The following VPS18 variants were observed in gnomAD, a reference collection of about 807,000 sequenced individuals.
VPS18 encodes the protein vacuolar protein sorting-associated protein 18 homolog.
VPS18 carries 25 observed loss-of-function variants against 82.0 expected under a neutral mutation model. That is an observed-to-expected ratio of 0.30 (90% confidence interval 0.22 to 0.43). The LOEUF (loss-of-function observed/expected upper bound fraction) is 0.43, where lower values mean the gene tolerates loss of function less well. Ranked by LOEUF, VPS18 falls within the 20% of genes least tolerant of loss-of-function variation. The pLI is 1.00. For synonymous variants in VPS18, 523 were observed against 543.0 expected (o/e 0.96, Z 0.51); for missense variants, 1,168 against 1,311.1 (o/e 0.89, Z 1.69).
rs139161590 is a variant in VPS18, at chr15:40,902,540, C to A, written c.2197-76C>A. The stretch of plus-strand genomic sequence containing the variant: ...GGAATCCTGCCTCGGGGCCTCTCCT[C>A]GGCCATCTCTCTCTCCCATAGTCTC... On this transcript the variant is annotated intron_variant, in intron 4 of 4. Coordinates refer to ENST00000220509, the MANE Select transcript of VPS18 (RefSeq NM_020857.3). This position sits in a 1 kb window ranked among gnomAD's most constrained non-coding sequence, Gnocchi z 4.2. The A allele has an allele frequency of 6.6e-7, 1 of 1,522,238 alleles. No individual in the cohort carries two copies. The highest frequency in any genetic ancestry group is 8.8e-7 in the Non-Finnish European group (1 of 1,135,156). The allele number at this position is 1,522,238 out of a possible 1,614,324, so 94.3% of individuals were successfully genotyped here.
In VPS18 at chr15:40,902,540, C is replaced by T. The variant is rs139161590; in HGVS notation, c.2197-76C>T. The T allele has an allele frequency of 3.4e-4, 518 of 1,522,234 alleles. 2 individuals are homozygous for T. The African/African-American group carries it at 4.8e-3, about 14-fold the overall frequency. 94.3% of individuals were successfully genotyped at this position (1,522,234 alleles called of 1,614,324 possible). A position where few individuals can be genotyped will look rare whatever the true frequency, so the allele number is the denominator to read the frequency against. On this transcript the variant is annotated intron_variant, in intron 4 of 4. Coordinates refer to ENST00000220509, the MANE Select transcript of VPS18 (RefSeq NM_020857.3). This position sits in a 1 kb window ranked among gnomAD's most constrained non-coding sequence, Gnocchi z 4.2. ...GGAATCCTGCCTCGGGGCCTCTCCT[C>T]GGCCATCTCTCTCTCCCATAGTCTC...
chr15:40,895,832 A>C, intron 1 of VPS18, 106 bp from the exon 2 acceptor site: 1 of 1,472,398 alleles, frequency 6.8e-7, no homozygotes, highest in Non-Finnish European at 9.3e-7. Context: ...TGGGGATAGG[A>C]ATATGTCAGG....
chr15:40,900,127 C>A lies in VPS18; in HGVS notation c.1309C>A (p.Arg437Ser), dbSNP rs367658785. The change falls in exon 4 of 5, where the codon CGT becomes AGT. Residue 437 changes from arginine to serine, a missense_variant. Physicochemically the swap from Arg to Ser is moderately radical, Grantham distance 110 (BLOSUM62 -1). Coordinates refer to ENST00000220509, the MANE Select transcript of VPS18 (RefSeq NM_020857.3). The surrounding 1 kb of genome is among the most constrained non-coding windows in gnomAD (Gnocchi z 5.4). ...GGAGGCCGATTTCTGCTTTCGCCAG[C>A]GTCGCTACCTGGAGAGCGCACGCTG... ...AREADFCFRQ[R>S]RYLESARCYA... 6.2e-7 allele frequency: 1 copy of A among 1,613,828 alleles called. No homozygotes were observed. The highest frequency in any genetic ancestry group is 8.5e-7 in the Non-Finnish European group (1 of 1,180,046).
rs753492633 is a variant in VPS18, at chr15:40,900,649, G to A, written c.1831G>A (p.Val611Ile). 4.3e-6 allele frequency: 7 copies of A among 1,614,170 alleles called. No homozygotes were observed. The South Asian group carries it at 4.4e-5, about 10-fold the overall frequency. The change falls in exon 4 of 5, where the codon GTA becomes ATA. Residue 611 changes from valine to isoleucine, a missense_variant. By Grantham distance (29) the Val-to-Ile change is conservative (BLOSUM62 3). Around this residue, in one of 3 missense-constraint regions of VPS18, gnomAD observed 868 missense variants for 939.8 expected, o/e 0.92. Transcript: ENST00000220509. The surrounding 1 kb of genome is among the most constrained non-coding windows in gnomAD (Gnocchi z 5.4). ...ILIRHIPRQL[V>I]DAWIEMGSRL... is the part of the protein sequence containing the mutation. ...CATCCGTCACATCCCCCGCCAGCTT[G>A]TAGATGCCTGGATTGAGATGGGCAG...
At chr15:40,901,394 C>T (rs1892355967) in intron 4 of VPS18, among the ~76,000 whole-genome samples, 1 of 151,984 alleles carries the variant, frequency 6.6e-6, no homozygotes, top group Non-Finnish European at 1.5e-5. Context: ...CGAGACCAGC[C>T]TGACCAACAT....
At chr15:40,894,995 A>C in intron 1 of VPS18, 136 bp downstream of exon 1, 1 of 864,168 alleles carries the variant, frequency 1.2e-6, no homozygotes, top group African/African-American at 1.7e-5. Context: ...GATTCTCCTC[A>C]GGCTCTCTTG....
At position 40,903,517 on chromosome 15, in the gene VPS18, A is replaced by G; in HGVS notation, c.*176A>G. On this transcript the variant is annotated 3_prime_UTR_variant, in exon 5 of 5. Coordinates refer to ENST00000220509, the MANE Select transcript of VPS18 (RefSeq NM_020857.3). ...GTGTCAGGTGTGAGTGTATTCTGCCAGCTTTTCATGCTGTTCTTCAGAGCT... is the reference window on the plus strand; with the variant it reads ...GTGTCAGGTGTGAGTGTATTCTGCCGGCTTTTCATGCTGTTCTTCAGAGCT... 1.2e-6 allele frequency: 1 copy of G among 838,094 alleles called. No individual in the cohort carries two copies. Among genetic ancestry groups the G allele is most frequent in the Non-Finnish European group, 1.7e-6 (1 of 591,258 alleles). The allele number at this position is 838,094 out of a possible 1,614,324, so 51.9% of individuals were successfully genotyped here.
chr15:40,899,420 G>T lies in VPS18; in HGVS notation c.602G>T (p.Gly201Val), dbSNP rs1892298119. The change falls in exon 4 of 5, where the codon GGT becomes GTT. Residue 201 changes from glycine to valine, a missense_variant. Gly to Val is a moderately radical substitution (Grantham distance 109). Transcript: ENST00000220509. The surrounding 1 kb of genome is among the most constrained non-coding windows in gnomAD (Gnocchi z 4.4). Reference protein sequence around the residue: ...RPLYVLNEEGGPAPVCSLEAE... With the variant: ...RPLYVLNEEGVPAPVCSLEAE... ...TTGTACGTGCTAAATGAAGAAGGGG[G>T]TCCAGCACCTGTGTGCTCCCTTGAG... The T allele has an allele frequency of 1.2e-6, 2 of 1,603,726 alleles. No homozygotes were observed. The highest frequency in any genetic ancestry group is 1.7e-6 in the Non-Finnish European group (2 of 1,172,444).
chr15:40,897,540 A>G (rs1892250470), intron 2 of VPS18, among the ~76,000 whole-genome samples: 1 of 152,244 alleles, frequency 6.6e-6, no homozygotes, highest in African/African-American at 2.4e-5. Flanking sequence ...GTTGGGAATA[A>G]CAGGAGTTTG....
rs751560733 is a variant in VPS18, at chr15:40,903,331, G to A, written c.2912G>A (p.Ser971Asn). 6.5e-7 allele frequency: 1 copy of A among 1,538,008 alleles called. No homozygotes were observed. The highest frequency in any genetic ancestry group is 8.8e-7 in the Non-Finnish European group (1 of 1,142,432). ...CAGCGCTACGAGGAGGAGCAGCTCA[G>A]TTGGCTGTAGGAGGGTGTCACCTTT... is the stretch of plus-strand genomic sequence containing the variant. ...DPQRYEEEQL[S>N]WL The change falls in exon 5 of 5, where the codon AGT (serine) becomes AAT (asparagine). Residue 971 changes from serine to asparagine, a missense_variant. Physicochemically the swap from Ser to Asn is conservative, Grantham distance 46. This residue lies in a region of VPS18 where 296 missense variants were observed against 354.0 expected (regional missense o/e 0.84). Coordinates refer to ENST00000220509, the MANE Select transcript of VPS18 (RefSeq NM_020857.3).
Position 40,899,686 on chromosome 15 carries a change from G to C in VPS18, c.868G>C (p.Asp290His). 2 of 1,613,950 alleles carry C rather than the reference G, an allele frequency of 1.2e-6. No individual in the cohort carries two copies. Among genetic ancestry groups the C allele is most frequent in the Non-Finnish European group, 8.5e-7 (1 of 1,180,052 alleles). Residue 290 changes from aspartate to histidine, a missense_variant, in exon 4 of 5, where the codon GAT becomes CAT. By Grantham distance (81) the Asp-to-His change is moderately conservative. This residue lies in a region of VPS18 where 868 missense variants were observed against 939.8 expected (regional missense o/e 0.92). Transcript: ENST00000220509. The surrounding 1 kb of genome is among the most constrained non-coding windows in gnomAD (Gnocchi z 4.4). The stretch of plus-strand genomic sequence containing the variant: ...CCGGGCCTTCGCCTGGATGATGGGG[G>C]ATGGTGTGTTGTATGGGGCATTGGA... ...APRAFAWMMG[D>H]GVLYGALDCG...
In VPS18 at chr15:40,902,537, C is replaced by G. The variant is rs909398524; in HGVS notation, c.2197-79C>G. 1.3e-6 allele frequency: 2 copies of G among 1,519,728 alleles called. No homozygotes were observed. Among genetic ancestry groups the G allele is most frequent in the African/African-American group, 2.8e-5 (2 of 72,604 alleles). The allele number at this position is 1,519,728 out of a possible 1,614,324, so 94.1% of individuals were successfully genotyped here. A position where few individuals can be genotyped will look rare whatever the true frequency, so the allele number is the denominator to read the frequency against. ...CTGGGAATCCTGCCTCGGGGCCTCT[C>G]CTCGGCCATCTCTCTCTCCCATAGT... On this transcript the variant is annotated intron_variant, in intron 4 of 4. Coordinates refer to ENST00000220509, the MANE Select transcript of VPS18 (RefSeq NM_020857.3). The surrounding 1 kb of genome is among the most constrained non-coding windows in gnomAD (Gnocchi z 4.2).
intron 2 of VPS18, among the ~76,000 whole-genome samples, chr15:40,897,510 T>G (rs565358558): frequency 6.6e-6 from 1 of 152,322 alleles, no homozygotes; most frequent in Admixed American, 6.5e-5. Context: ...TGAAAAAAGA[T>G]GTTAACATGA....
Position 40,903,394 on chromosome 15 carries a change from C to T in VPS18, c.*53C>T. The T allele has an allele frequency of 6.6e-7, 1 of 1,508,960 alleles. No individual in the cohort carries two copies. Among genetic ancestry groups the T allele is most frequent in the African/African-American group, 1.4e-5 (1 of 71,602 alleles). 93.5% of individuals were successfully genotyped at this position (1,508,960 alleles called of 1,614,324 possible). A position where few individuals can be genotyped will look rare whatever the true frequency, so the allele number is the denominator to read the frequency against. On this transcript the variant is annotated 3_prime_UTR_variant, in exon 5 of 5. Coordinates refer to ENST00000220509, the MANE Select transcript of VPS18 (RefSeq NM_020857.3). ...GCAATGGGGAGCAGTGGCTTGAACC[C>T]ACTTGAGAAGGCTGCCTCCTAGGCT...
In VPS18 at chr15:40,903,293, G is replaced by A. The variant is rs1215028012; in HGVS notation, c.2874G>A (p.Pro958=). 39 of 1,564,286 alleles carry A rather than the reference G, an allele frequency of 2.5e-5. No homozygotes were observed. The highest frequency in any genetic ancestry group is 4.5e-5 in the East Asian group (2 of 44,420). Residue 958 remains proline, a synonymous_variant, in exon 5 of 5, where the codon CCG becomes CCA. Coordinates refer to ENST00000220509, the MANE Select transcript of VPS18 (RefSeq NM_020857.3). ...TGATGATCCGCTCTATCGACCGGCC[G>A]TTCATCGACCCCCAGCGCTACGAGG... ...GELMIRSIDR[P]FIDPQRYEEE...
rs745363532 is a variant in VPS18 at position 40,900,685 on chromosome 15, G to A, written c.1867G>A (p.Ala623Thr). ...GATTGAGATGGGCAGCCGGCTGGAT[G>A]CTCGTCAGCTCATTCCTGCCCTGGT... ...AWIEMGSRLDARQLIPALVNY... is the reference protein window; with the variant it reads ...AWIEMGSRLDTRQLIPALVNY... Residue 623 changes from alanine (A) to threonine (T), a missense_variant, in exon 4 of 5, where the codon GCT (alanine) becomes ACT (threonine). Ala to Thr is a moderately conservative substitution (Grantham distance 58). This residue lies in a region of VPS18 where 868 missense variants were observed against 939.8 expected (regional missense o/e 0.92). Coordinates refer to ENST00000220509, the MANE Select transcript of VPS18 (RefSeq NM_020857.3). The surrounding 1 kb of genome is among the most constrained non-coding windows in gnomAD (Gnocchi z 5.4). 17 of 1,614,064 alleles carry A rather than the reference G, an allele frequency of 1.1e-5. No homozygotes were observed. In the Admixed American group the frequency reaches 2.7e-4, roughly 25 times the overall value.
Position 40,903,098 on chromosome 15 carries a change from C to T in VPS18, c.2679C>T (p.Ala893=). The T allele has an allele frequency of 6.2e-7, 1 of 1,613,640 alleles. No individual in the cohort carries two copies. The highest frequency in any genetic ancestry group is 8.5e-7 in the Non-Finnish European group (1 of 1,179,742). Residue 893 remains alanine, a synonymous_variant, in exon 5 of 5, where the codon GCC becomes GCT. Transcript: ENST00000220509. ...CTGGCCTGCCAGCCTACAAGCAGGCCCGGCTGGAGGAGCTGCAGAGGAAGC... is the reference window on the plus strand; with the variant it reads ...CTGGCCTGCCAGCCTACAAGCAGGCTCGGCTGGAGGAGCTGCAGAGGAAGC... ...VRPGLPAYKQ[A]RLEELQRKLG... is the part of the protein sequence containing the mutation.
At position 40,900,727 on chromosome 15, in the gene VPS18, G is replaced by C. The variant is rs762921478; in HGVS notation, c.1909G>C (p.Gly637Arg). 2 of 1,614,076 alleles carry C rather than the reference G, an allele frequency of 1.2e-6. No homozygotes were observed. Among genetic ancestry groups the C allele is most frequent in the African/African-American group, 2.7e-5 (2 of 74,934 alleles). Residue 637 changes from glycine to arginine, a missense_variant, in exon 4 of 5, where the codon GGT (glycine) becomes CGT (arginine). This residue lies in a region of VPS18 where 868 missense variants were observed against 939.8 expected (regional missense o/e 0.92). Transcript: ENST00000220509. This position sits in a 1 kb window ranked among gnomAD's most constrained non-coding sequence, Gnocchi z 5.4. ...TGCCCTGGTGAACTACAGCCAGGGT[G>C]GTGAGGTCCAGCAGGTGAGCCAGGC... ...IPALVNYSQG[G>R]EVQQVSQAIR... is the part of the protein sequence containing the mutation.
At position 40,903,483 on chromosome 15, in the gene VPS18, G is replaced by A. The variant is rs1287073649; in HGVS notation, c.*142G>A. The A allele has an allele frequency of 1.5e-5, 18 of 1,201,074 alleles. No individual in the cohort carries two copies. Among genetic ancestry groups the A allele is most frequent in the Non-Finnish European group, 2.0e-5 (18 of 902,568 alleles). The allele number at this position is 1,201,074 out of a possible 1,614,324, so 74.4% of individuals were successfully genotyped here. A position where few individuals can be genotyped will look rare whatever the true frequency, so the allele number is the denominator to read the frequency against. Reference sequence around the variant, plus strand: ...TTGACGGGAGTAGAGTAGCGCTGTTGGCCAGGAGGTGTCAGGTGTGAGTGT... The same window carrying A: ...TTGACGGGAGTAGAGTAGCGCTGTTAGCCAGGAGGTGTCAGGTGTGAGTGT... On this transcript the variant is annotated 3_prime_UTR_variant, in exon 5 of 5. Coordinates refer to ENST00000220509, the MANE Select transcript of VPS18 (RefSeq NM_020857.3).
Sources: allele counts gnomAD v4.1 joint callset (sites outside exome capture counted in the v4.1 genomes callset), GRCh38; gene constraint gnomAD v4.1.1; regional missense constraint gnomAD v4.1.1; non-coding constraint Gnocchi (gnomAD v3.1); transcripts MANE v1.5; gene names NCBI Gene and HGNC (gene_info 2026-07-23, HGNC 2026-07-21).